Variants in CCDC178 observed in about 807,000 individuals in gnomAD.
CCDC178 encodes the protein coiled-coil domain containing 178.
In CCDC178, 126 loss-of-function variants were observed where a neutral mutation model predicts 117.4. That is an observed-to-expected ratio of 1.07 (90% CI 0.93 to 1.24). The LOEUF (loss-of-function observed/expected upper bound fraction) is 1.24. Ranked by LOEUF, CCDC178 falls within the 50% of genes most tolerant of loss-of-function variation. The pLI is 0.00. For synonymous variants in CCDC178, 283 were observed against 313.4 expected (o/e 0.90, Z 1.02); for missense variants, 1,030 against 986.9 (o/e 1.04, Z -0.59).
At chr18:33,304,834 G>A (rs530950235) in intron 11 of CCDC178, among the ~76,000 whole-genome samples, 2 of 152,258 alleles carry the variant, frequency 1.3e-5, no homozygotes, top group Non-Finnish European at 2.9e-5. Context: ...CAGCTGGAAG[G>A]CACCATAAAA....
chr18:33,019,541 C>G (rs935668158), intron 21 of CCDC178, among the ~76,000 whole-genome samples: 3 of 152,274 alleles, frequency 2.0e-5, no homozygotes, highest in African/African-American at 7.2e-5. Context: ...TTCACTCTTG[C>G]ATAAGGCATT....
At chr18:32,965,638 T>C (rs1267902480) in intron 22 of CCDC178, among the ~76,000 whole-genome samples, 1 of 151,784 alleles carries the variant, frequency 6.6e-6, no homozygotes, top group East Asian at 1.9e-4. Flanking sequence ...TGGGAGTGTA[T>C]CTTTAGTATA....
chr18:33,403,780 T>C (rs1395697429), intron 3 of CCDC178, among the ~76,000 whole-genome samples: 1 of 152,140 alleles, frequency 6.6e-6, no homozygotes, highest in Non-Finnish European at 1.5e-5. Context: ...TCTAATTGAT[T>C]AACTATTGGA....
At chr18:33,411,183 C>T (rs1231252556) in intron 3 of CCDC178, among the ~76,000 whole-genome samples, 1 of 152,158 alleles carries the variant, frequency 6.6e-6, no homozygotes, top group African/African-American at 2.4e-5. Context: ...TTGGTTGTTA[C>T]ATAGCATCAG....
At chr18:33,418,690 C>T (rs184142739) in intron 2 of CCDC178, among the ~76,000 whole-genome samples, 32 of 152,156 alleles carry the variant, frequency 2.1e-4, no homozygotes, top group Admixed American at 1.6e-3. Flanking sequence ...CATGTCTATA[C>T]ACCAACAACA....
chr18:33,425,142 G>C (rs1026809955), intron 2 of CCDC178, among the ~76,000 whole-genome samples: 6 of 152,110 alleles, frequency 3.9e-5, no homozygotes, highest in Admixed American at 1.3e-4. Context: ...TATCCATACA[G>C]CTTCTAAACC....
chr18:33,281,440 G>A (rs1190867487), intron 12 of CCDC178, among the ~76,000 whole-genome samples: 2 of 151,968 alleles, frequency 1.3e-5, no homozygotes, highest in African/African-American at 4.8e-5. Flanking sequence ...ATGTAGTTTT[G>A]GTTATGTTTA....
At position 33,394,953 on chromosome 18, in the gene CCDC178, A is replaced by G. The variant is rs1300633867; in HGVS notation, c.118+2196T>C. 1.0e-3 allele frequency among the ~76,000 whole-genome samples: 127 copies of G among 122,520 alleles called. 2 individuals carry two copies. The highest frequency in any genetic ancestry group is 1.5e-3 in the African/African-American group (50 of 32,658). 80.4% of individuals were successfully genotyped at this position (122,520 alleles called of 152,430 possible). ...CCTGTATATGTATGTGTATATATAT[A>G]TATATATATATATATATATATATAT... is the stretch of plus-strand genomic sequence containing the variant. On this transcript the variant is annotated intron_variant, in intron 4 of 22. Transcript: ENST00000383096.
intron 6 of CCDC178, among the ~76,000 whole-genome samples, chr18:33,363,538 T>C (rs1354235681): frequency 5.3e-5 from 8 of 152,064 alleles, no homozygotes; most frequent in Non-Finnish European, 8.8e-5. Flanking sequence ...TTGGGGAACC[T>C]GACACCATAT....
At position 33,245,351 on chromosome 18, in the gene CCDC178, T is replaced by G. The variant is rs772277116; in HGVS notation, c.1487A>C (p.Lys496Thr). 3.1e-6 allele frequency: 5 copies of G among 1,607,870 alleles called. No homozygotes were observed. The highest frequency in any genetic ancestry group is 4.2e-6 in the Non-Finnish European group (5 of 1,177,374). Residue 496 changes from lysine (K) to threonine (T), a missense_variant, in exon 15 of 23, where the codon AAG becomes ACG. Coordinates refer to ENST00000383096, the MANE Select transcript of CCDC178 (RefSeq NM_001105528.4). ...IMKLKNDKHLKNIYKEAYRIG... is the reference protein window; with the variant it reads ...IMKLKNDKHLTNIYKEAYRIG... ...GCGATAAGCCTCCTTATAGATGTTC[T>G]TGAGATGTTTATCATTCTTTAACTT...
At chr18:33,324,297 GT>G (rs2062556723) in intron 10 of CCDC178, among the ~76,000 whole-genome samples, 1 of 151,790 alleles carries the variant, frequency 6.6e-6, no homozygotes, top group Non-Finnish European at 1.5e-5. Context: ...ATTATGCACA[GT>G]TTGACATGCA....
chr18:33,292,017 T>A (rs1324309517), intron 12 of CCDC178, among the ~76,000 whole-genome samples: 3 of 87,048 alleles, frequency 3.4e-5, no homozygotes, highest in Non-Finnish European at 8.6e-5. Context: ...GTATGGAGAT[T>A]CCTCAAAAAA....
At chr18:33,079,486 C>G (rs1221577782) in intron 21 of CCDC178, among the ~76,000 whole-genome samples, 2 of 152,114 alleles carry the variant, frequency 1.3e-5, no homozygotes, top group African/African-American at 4.8e-5. Flanking sequence ...ACAGAGTAAA[C>G]AGACAATTTA....
chr18:33,054,217 T>C (rs905055937), intron 21 of CCDC178, among the ~76,000 whole-genome samples: 8 of 152,224 alleles, frequency 5.3e-5, no homozygotes, highest in African/African-American at 1.9e-4. Context: ...CCATGAGCTG[T>C]GTCATCAAAT....
At chr18:33,345,701 T>C (rs6507015) in intron 9 of CCDC178, among the ~76,000 whole-genome samples, 66,092 of 151,986 alleles carry the variant, frequency 0.43, 15,841 homozygotes, top group African/African-American at 0.65. Context: ...CCATAAATGC[T>C]ACTGGATTTC....
chr18:33,147,285 G>A (rs2058279570), intron 20 of CCDC178, among the ~76,000 whole-genome samples: 1 of 150,726 alleles, frequency 6.6e-6, no homozygotes, highest in African/African-American at 2.4e-5. Context: ...TCCTCTGGAG[G>A]AGAACACCAT....
At chr18:33,014,648 A>AACAC (rs145537166) in intron 21 of CCDC178, among the ~76,000 whole-genome samples, 1 of 151,968 alleles carries the variant, frequency 6.6e-6, no homozygotes, top group African/African-American at 2.4e-5. Flanking sequence ...ATGTATGTAT[A>AACAC]ACACACACAC....
chr18:33,276,109 G>T (rs1488851871), intron 12 of CCDC178, among the ~76,000 whole-genome samples: 5 of 151,984 alleles, frequency 3.3e-5, no homozygotes, highest in Non-Finnish European at 7.4e-5. Context: ...CAGACATGAT[G>T]TTAGGCATGG....
At chr18:33,079,805 T>G (rs1020595740) in intron 21 of CCDC178, among the ~76,000 whole-genome samples, 1 of 152,076 alleles carries the variant, frequency 6.6e-6, no homozygotes, top group Admixed American at 6.6e-5. Flanking sequence ...GTGGAGCAAA[T>G]GAAACACTAA....
Sources: gnomAD v4.1 joint callset for allele counts (sites outside exome capture counted in the v4.1 genomes callset) on GRCh38, gnomAD v4.1.1 for gene constraint, MANE v1.5 for transcripts, NCBI Gene and HGNC (gene_info 2026-07-23, HGNC 2026-07-21) for gene names.